Variants in CDH4 observed in about 807,000 individuals in gnomAD.
The protein encoded by CDH4 is cadherin-4.
A neutral mutation model predicts 86.0 loss-of-function variants in CDH4; 33 were observed. The ratio of observed to expected loss-of-function variants is 0.38; its 90% CI spans 0.29 to 0.51. The LOEUF is 0.51. Ranked by LOEUF, CDH4 falls within the 20% of genes least tolerant of loss-of-function variation. The pLI, the probability that CDH4 is intolerant of heterozygous loss-of-function variation, is 0.86. For synonymous variants in CDH4, 555 were observed against 549.4 expected, an observed-to-expected ratio of 1.01 and a Z score of -0.14; for missense variants, 1,114 against 1,307.4, an observed-to-expected ratio of 0.85 and a Z score of 2.28.
At chr20:61,472,369 T>G (rs2085509642) in intron 2 of CDH4, among the ~76,000 whole-genome samples, 1 of 152,318 alleles carries the variant, frequency 6.6e-6, no homozygotes, top group African/African-American at 2.4e-5. Flanking sequence ...TTTTCCATTC[T>G]GAATTATTGA....
chr20:61,802,299 AC>A (rs1411439214), intron 4 of CDH4, among the ~76,000 whole-genome samples: 2 of 152,214 alleles, frequency 1.3e-5, no homozygotes, highest in Non-Finnish European at 2.9e-5. Flanking sequence ...TCAAGGTCAC[AC>A]AGCTCAAAGT....
At chr20:61,876,054 C>T (rs1984009286) in intron 7 of CDH4, among the ~76,000 whole-genome samples, 1 of 152,240 alleles carries the variant, frequency 6.6e-6, no homozygotes, top group African/African-American at 2.4e-5. Flanking sequence ...TGCGTGCAAG[C>T]CCCTGTCCAC....
At chr20:61,654,063 C>T (rs1454338102) in intron 2 of CDH4, among the ~76,000 whole-genome samples, 3 of 151,608 alleles carry the variant, frequency 2.0e-5, no homozygotes, top group Non-Finnish European at 3.0e-5. Flanking sequence ...CTTTGGGAGG[C>T]CAAGGCAGGC....
intron 2 of CDH4, among the ~76,000 whole-genome samples, chr20:61,468,328 G>A (rs2085484632): frequency 6.6e-6 from 1 of 152,104 alleles, no homozygotes; most frequent in Non-Finnish European, 1.5e-5. Context: ...AGGGCCAAAG[G>A]CAAGAGCCAG....
rs1437794775 is a variant in CDH4 at position 61,565,155 on chromosome 20, GTCCTCT to G, written c.170-178406_170-178401del. Among the ~76,000 whole-genome samples the G allele has an allele frequency of 5.5e-5, 7 of 128,328 alleles. 1 individual carries two copies. The highest frequency in any genetic ancestry group is 2.2e-4 in the East Asian group (1 of 4,598). 84.2% of individuals were successfully genotyped at this position (128,328 alleles called of 152,430 possible). A position where few individuals can be genotyped will look rare whatever the true frequency, so the allele number is the denominator to read the frequency against. ...GCTGGTCCTCTTGGTGTTGGTAGTG[GTCCTCT>G]TGGTGATGGGGTGGTGGTGGTGGTG... On this transcript the variant is annotated intron_variant, in intron 2 of 15. Coordinates refer to ENST00000614565, the MANE Select transcript of CDH4 (RefSeq NM_001794.5).
At chr20:61,628,175 C>T (rs542974097) in intron 2 of CDH4, among the ~76,000 whole-genome samples, 13 of 152,342 alleles carry the variant, frequency 8.5e-5, no homozygotes, top group Non-Finnish European at 1.8e-4. Context: ...ATTTGTGTCT[C>T]ATTCACATGT....
intron 2 of CDH4, among the ~76,000 whole-genome samples, chr20:61,617,440 C>T (rs1194737670): frequency 6.6e-6 from 1 of 152,250 alleles, no homozygotes; most frequent in East Asian, 1.9e-4. Context: ...AGCCATCCCA[C>T]AGGCTGGGGA....
chr20:61,524,800 A>G (rs1343964160), intron 2 of CDH4, among the ~76,000 whole-genome samples: 1 of 152,160 alleles, frequency 6.6e-6, no homozygotes, highest in Non-Finnish European at 1.5e-5. Context: ...TCAAAATTAA[A>G]ATTTTTAAAT....
At chr20:61,763,679 G>A (rs916645676) in intron 3 of CDH4, among the ~76,000 whole-genome samples, 1 of 152,070 alleles carries the variant, frequency 6.6e-6, no homozygotes, top group African/African-American at 2.4e-5. Flanking sequence ...TTCCATGGAA[G>A]GCACTCTGGG....
chr20:61,609,526 G>A (rs1486057318), intron 2 of CDH4, among the ~76,000 whole-genome samples: 2 of 152,158 alleles, frequency 1.3e-5, no homozygotes, highest in Admixed American at 6.5e-5. Context: ...GAAGTGCATG[G>A]GGTGGCCCTC....
chr20:61,901,697 T>G (rs994860568), intron 8 of CDH4, among the ~76,000 whole-genome samples: 5 of 152,242 alleles, frequency 3.3e-5, no homozygotes, highest in African/African-American at 1.2e-4. Context: ...GCTGGGAACG[T>G]CAAGGCCTCA....
chr20:61,564,225 G>A (rs902287004), intron 2 of CDH4, among the ~76,000 whole-genome samples: 1 of 152,148 alleles, frequency 6.6e-6, no homozygotes, highest in African/African-American at 2.4e-5. Context: ...GTTCATATCT[G>A]AGGTTCCTGG....
Position 61,538,542 on chromosome 20 carries a change from A to T in CDH4, c.170-205021A>T, listed in dbSNP as rs529987234. Among the ~76,000 whole-genome samples, 404 of 152,118 alleles carry T rather than the reference A, an allele frequency of 2.7e-3. 1 individual carries two copies. The highest frequency in any genetic ancestry group is 4.7e-3 in the Non-Finnish European group (319 of 67,972). ...TTCGCCTGGCCTTCCTGGAGCCAAC[A>T]CTTTAACATCCGCCTGTCCCTGCTG... On this transcript the variant is annotated intron_variant, in intron 2 of 15. Transcript: ENST00000614565.
chr20:61,297,195 G>A (rs943591905), intron 2 of CDH4, among the ~76,000 whole-genome samples: 1 of 152,214 alleles, frequency 6.6e-6, no homozygotes, highest in Non-Finnish European at 1.5e-5. Context: ...AGACCAGCCT[G>A]GCCAACGTGG....
intron 2 of CDH4, among the ~76,000 whole-genome samples, chr20:61,686,381 ATATG>A (rs1200555874): frequency 2.0e-5 from 3 of 147,734 alleles, no homozygotes; most frequent in Non-Finnish European, 3.0e-5. Flanking sequence ...GCATGTGTGT[ATATG>A]TGTGTGTGCA....
chr20:61,754,909 GCGTGCCTGTATTAGTC>G lies in CDH4; in HGVS notation c.396+11124_396+11139del, dbSNP rs2088543314. The G allele has an allele frequency of 6.6e-6, 1 of 151,752 alleles. No homozygotes were observed. The highest frequency in any genetic ancestry group is 1.5e-5 in the Non-Finnish European group (1 of 67,904). The allele number at this position is 151,752 out of a possible 1,614,324, so 9.4% of individuals were successfully genotyped here. ...ACCCTGCACATACCACACACAGAGTGCGTGCCTGTATTAGTCCGTTTTCACACTACTGATAAAGACA... is the reference window on the plus strand; with the variant it reads ...ACCCTGCACATACCACACACAGAGTGCGTTTTCACACTACTGATAAAGACA... On this transcript the variant is annotated intron_variant, in intron 3 of 15. Transcript: ENST00000614565. The surrounding 1 kb of genome is among the most constrained non-coding windows in gnomAD (Gnocchi z 4.7).
intron 2 of CDH4, among the ~76,000 whole-genome samples, chr20:61,692,201 GTGTATGTCTATGTA>G (rs1188117158): frequency 2.0e-5 from 3 of 150,028 alleles, no homozygotes; most frequent in Non-Finnish European, 4.4e-5. Context: ...ATATGTTTGT[GTGTATGTCTATGTA>G]TGTATGTGTG....
chr20:61,490,688 G>C (rs767888583), intron 2 of CDH4, among the ~76,000 whole-genome samples: 8 of 151,858 alleles, frequency 5.3e-5, no homozygotes, highest in Non-Finnish European at 8.8e-5. Context: ...AACAGGGTGA[G>C]ACTCCATCTC....
At chr20:61,477,047 C>T (rs1048037580) in intron 2 of CDH4, among the ~76,000 whole-genome samples, 5 of 152,162 alleles carry the variant, frequency 3.3e-5, no homozygotes, top group African/African-American at 7.2e-5. Flanking sequence ...AGCCAGGGGC[C>T]GGGGCTGCCT....
Sources: allele counts gnomAD v4.1 joint callset (sites outside exome capture counted in the v4.1 genomes callset), GRCh38; gene constraint gnomAD v4.1.1; non-coding constraint Gnocchi (gnomAD v3.1); transcripts MANE v1.5; gene names NCBI Gene and HGNC (gene_info 2026-07-23, HGNC 2026-07-21).